Variants in DCLRE1C observed in about 807,000 individuals in gnomAD.
DCLRE1C encodes DNA cross-link repair 1C, also known as protein artemis.
A neutral mutation model predicts 61.4 loss-of-function variants in DCLRE1C; 47 were observed. The ratio of observed to expected loss-of-function variants is 0.77; its 90% CI spans 0.61 to 0.98. The LOEUF (loss-of-function observed/expected upper bound fraction) is 0.98, where lower values mean the gene tolerates loss of function less well. Ranked by LOEUF, DCLRE1C falls within the 50% of genes least tolerant of loss-of-function variation. The pLI is 0.00. For missense variants in DCLRE1C, 858 were observed against 816.0 expected, an observed-to-expected ratio of 1.05 and a Z score of -0.63; for synonymous variants, 337 against 287.6, an observed-to-expected ratio of 1.17 and a Z score of -1.74.
At chr10:14,924,731 C>A (rs76929549) in intron 11 of DCLRE1C, among the ~76,000 whole-genome samples, 126 of 151,918 alleles carry the variant, frequency 8.3e-4, no homozygotes, top group African/African-American at 3.0e-3. Context: ...GCCGTAGTCC[C>A]AGCTACTCAA....
intron 12 of DCLRE1C, among the ~76,000 whole-genome samples, chr10:14,922,304 G>A (rs1388510657): frequency 1.3e-5 from 2 of 152,118 alleles, no homozygotes; most frequent in African/African-American, 4.8e-5. Flanking sequence ...AGCCGGGCAT[G>A]ATGGCATGCA....
In DCLRE1C at chr10:14,935,184, A is replaced by G. The variant is rs1217896969; in HGVS notation, c.464+279T>C. Among the ~76,000 whole-genome samples, 5 of 151,606 alleles carry G rather than the reference A, an allele frequency of 3.3e-5. No homozygotes were observed. The East Asian group carries it at 5.9e-4, about 18-fold the overall frequency. ...GTCATACACAGAAGAACTGTACAAG[A>G]GGCCAGGCACAGTGGCTCATGCCTG... On this transcript the variant is annotated intron_variant, in intron 6 of 13. Coordinates refer to ENST00000378278, the MANE Select transcript of DCLRE1C (RefSeq NM_001033855.3).
At chr10:14,897,926 C>CT (rs1260423527) in exon 14 of DCLRE1C, 1 of 153,080 alleles carries the variant, frequency 6.5e-6, no homozygotes, top group Admixed American at 6.5e-5. Flanking sequence ...TGGCAGAACT[C>CT]TATTTTGGAT....
chr10:14,941,237 G>GTTCC (rs1243784878), intron 3 of DCLRE1C, among the ~76,000 whole-genome samples: 1 of 152,200 alleles, frequency 6.6e-6, no homozygotes, highest in Non-Finnish European at 1.5e-5. Context: ...ATTTAGCTAT[G>GTTCC]TTCCACACAT....
intron 12 of DCLRE1C, among the ~76,000 whole-genome samples, chr10:14,920,159 C>T (rs143529713): frequency 6.5e-4 from 99 of 152,232 alleles, no homozygotes; most frequent in Admixed American, 1.7e-3. Flanking sequence ...GCAAAAAAAG[C>T]AGGTCCCTAT....
chr10:14,935,265 A>G (rs7899431), intron 6 of DCLRE1C, among the ~76,000 whole-genome samples, 198 bp downstream of exon 6: 1 of 151,990 alleles, frequency 6.6e-6, no homozygotes, highest in Non-Finnish European at 1.5e-5. Flanking sequence ...TCAGGAGTTC[A>G]AGACCAGCCT....
chr10:14,944,991 A>T, intron 3 of DCLRE1C, 114 bp downstream of exon 3: 1 of 759,898 alleles, frequency 1.3e-6, no homozygotes, highest in South Asian at 1.6e-5. Flanking sequence ...TCAATATTCT[A>T]ATTAATGTGG....
downstream of DCLRE1C, chr10:14,901,386 G>C (rs1001512136): frequency 1.1e-4 from 141 of 1,303,288 alleles, no homozygotes; most frequent in Non-Finnish European, 1.5e-4. Flanking sequence ...GAGGCACTAA[G>C]TTTGTCATCC....
chr10:14,945,673 T>TTTTG (rs1841567748), intron 2 of DCLRE1C: 2 of 819,696 alleles, frequency 2.4e-6, no homozygotes, highest in South Asian at 1.1e-4. Flanking sequence ...TTTTTTTTTT[T>TTTTG]TTTGAGATGG....
Position 14,908,653 on chromosome 10 carries a change from C to A in DCLRE1C, c.1834G>T (p.Val612Leu). Residue 612 changes from valine to leucine, a missense_variant, in exon 14 of 14, where the codon GTG becomes TTG. Transcript: ENST00000378278. ...TCTCCAGTACTAGGAACTATTGTCA[C>A]ATCTTTATCTCTGCTTTTCAAATCA... is the stretch of plus-strand genomic sequence containing the variant. ...YSDLKSRDKD[V>L]TIVPSTGEPT... The A allele has an allele frequency of 6.2e-7, 1 of 1,614,200 alleles. No homozygotes were observed. Among genetic ancestry groups the A allele is most frequent in the Non-Finnish European group, 8.5e-7 (1 of 1,180,044 alleles).
At chr10:14,918,079 A>G (rs185108262) in intron 13 of DCLRE1C, among the ~76,000 whole-genome samples, 1 of 151,902 alleles carries the variant, frequency 6.6e-6, no homozygotes, top group African/African-American at 2.4e-5. Flanking sequence ...CAAAATGGTC[A>G]AACCACTTTG....
intron 2 of DCLRE1C, among the ~76,000 whole-genome samples, chr10:14,947,906 A>G (rs1444380272): frequency 2.6e-5 from 4 of 152,110 alleles, no homozygotes; most frequent in African/African-American, 7.2e-5. Flanking sequence ...CGAAAATACA[A>G]AAAGTAGCTG....
intron 12 of DCLRE1C, 89 bp from the exon 13 acceptor site, chr10:14,919,921 T>A (rs1420726685): frequency 8.9e-7 from 1 of 1,119,570 alleles, no homozygotes; most frequent in Non-Finnish European, 1.3e-6. Context: ...TTTTTTGATT[T>A]TGTTTTTTAA....
In DCLRE1C at chr10:14,928,786, G is replaced by GTT. The variant is rs1295642325; in HGVS notation, c.781-636_781-635dup. 1.8e-3 allele frequency among the ~76,000 whole-genome samples: 243 copies of GTT among 133,620 alleles called. 2 individuals are homozygous for GTT. Among genetic ancestry groups the GTT allele is most frequent in the African/African-American group, 5.1e-3 (187 of 36,338 alleles). 87.7% of individuals were successfully genotyped at this position (133,620 alleles called of 152,430 possible). ...CAAATCCAAACGAAGGGTGTATGGTGTTTTTTTTTTTTTTTTTAGACAGTC... is the reference window on the plus strand; with the variant it reads ...CAAATCCAAACGAAGGGTGTATGGTGTTTTTTTTTTTTTTTTTTTAGACAGTC... On this transcript the variant is annotated intron_variant, in intron 9 of 13. Transcript: ENST00000378278.
At chr10:14,924,733 G>C (rs1015740944) in intron 11 of DCLRE1C, among the ~76,000 whole-genome samples, 1 of 151,664 alleles carries the variant, frequency 6.6e-6, no homozygotes, top group Non-Finnish European at 1.5e-5. Context: ...CGTAGTCCCA[G>C]CTACTCAAGA....
chr10:14,924,135 T>C (rs41298942), intron 11 of DCLRE1C, among the ~76,000 whole-genome samples: 79 of 152,314 alleles, frequency 5.2e-4, no homozygotes, highest in African/African-American at 1.7e-3. Context: ...CCACACAAGG[T>C]ACTGAGCTGC....
intron 13 of DCLRE1C, among the ~76,000 whole-genome samples, chr10:14,913,638 T>A (rs1835673658): frequency 6.6e-6 from 1 of 152,102 alleles, no homozygotes; most frequent in African/African-American, 2.4e-5. Flanking sequence ...TGACCACAGA[T>A]CAAACATATT....
chr10:14,898,433 A>G (rs983560227), exon 14 of DCLRE1C: 1 of 151,192 alleles, frequency 6.6e-6, no homozygotes, highest in South Asian at 2.1e-4. Flanking sequence ...GGAGTTGTCA[A>G]CTCTGGATTT....
At chr10:14,935,901 A>G (rs1839826599) in intron 5 of DCLRE1C, among the ~76,000 whole-genome samples, 1 of 152,106 alleles carries the variant, frequency 6.6e-6, no homozygotes, top group Non-Finnish European at 1.5e-5. Flanking sequence ...GCTGCTGAAG[A>G]CTTCCATTTA....
Sources: gnomAD v4.1 joint callset for allele counts (sites outside exome capture counted in the v4.1 genomes callset) on GRCh38, gnomAD v4.1.1 for gene constraint, MANE v1.5 for transcripts, NCBI Gene and HGNC (gene_info 2026-07-23, HGNC 2026-07-21) for gene names.